The following ANKRD30BL variants were observed in gnomAD, a reference collection of about 807,000 sequenced individuals.
ANKRD30BL encodes the protein putative ankyrin repeat domain-containing protein 30B-like.
A neutral mutation model predicts 18.4 loss-of-function variants in ANKRD30BL; 20 were observed. The observed-to-expected ratio is 1.09, with a 90% CI of 0.77 to 1.58. The LOEUF (loss-of-function observed/expected upper bound fraction) is 1.58, where lower values mean the gene tolerates loss of function less well. ANKRD30BL is among the 40% of genes most tolerant of loss of function. ANKRD30BL has a pLI of 0.00. For synonymous variants in ANKRD30BL, 72 were observed against 100.9 expected (o/e 0.71, Z 1.72); for missense variants, 224 against 268.6 (o/e 0.83, Z 1.16).
At chr2:132,181,572 A>T (rs918626293) in intron 1 of ANKRD30BL, among the ~76,000 whole-genome samples, 3 of 152,212 alleles carry the variant, frequency 2.0e-5, no homozygotes, top group Non-Finnish European at 1.5e-5. Flanking sequence ...CACACTCACT[A>T]TAAGAGACAA....
intron 1 of ANKRD30BL, among the ~76,000 whole-genome samples, chr2:132,221,230 C>G (rs1398224715): frequency 7.6e-6 from 1 of 131,872 alleles, no homozygotes; most frequent in Non-Finnish European, 1.6e-5. Flanking sequence ...CCGCCCCGTC[C>G]GGGAGGTGAG....
chr2:132,181,461 CA>C (rs151177463), intron 1 of ANKRD30BL, among the ~76,000 whole-genome samples: 15 of 145,876 alleles, frequency 1.0e-4, no homozygotes, highest in African/African-American at 1.3e-4. Context: ...GACTCTGTTT[CA>C]AAAAAAAAAG....
intron 1 of ANKRD30BL, among the ~76,000 whole-genome samples, chr2:132,222,832 TAAAAAAAAAAAAAAAAAA>T (rs71001178): frequency 3.8e-5 from 2 of 52,808 alleles, no homozygotes; most frequent in Non-Finnish European, 7.5e-5. Flanking sequence ...GAATGATCAA[TAAAAAAAAAAAAAAAAAA>T]AAAAAAAAAA....
Position 132,151,899 on chromosome 2 carries a change from A to G in ANKRD30BL, c.615-923T>C, listed in dbSNP as rs1428991879. Among the ~76,000 whole-genome samples the G allele has an allele frequency of 2.6e-5, 4 of 152,218 alleles. No homozygotes were observed. The East Asian group carries it at 5.8e-4, about 22-fold the overall frequency. On this transcript the variant is annotated intron_variant, in intron 4 of 5. Transcript: ENST00000409867. Reference sequence around the variant, plus strand: ...CTGGCTTGGACTACTACTAGTCTTTATCTACCTCCTTAAACTCTGAACCAA... The same window carrying G: ...CTGGCTTGGACTACTACTAGTCTTTGTCTACCTCCTTAAACTCTGAACCAA...
intron 1 of ANKRD30BL, among the ~76,000 whole-genome samples, chr2:132,246,802 A>T (rs113194205): frequency 2.0e-5 from 3 of 151,974 alleles, no homozygotes; most frequent in African/African-American, 7.2e-5. Flanking sequence ...TGAAAAAGGA[A>T]ATATCTTCCA....
At chr2:132,181,248 C>T (rs13424362) in intron 1 of ANKRD30BL, among the ~76,000 whole-genome samples, 79,527 of 151,680 alleles carry the variant, frequency 0.52, 21,080 homozygotes, top group South Asian at 0.61. Context: ...CTGACGTGGG[C>T]GGATTGCCTG....
In ANKRD30BL at chr2:132,194,379, A is replaced by G. The variant is rs188487025; in HGVS notation, n.442-37233T>C. 1.3e-3 allele frequency among the ~76,000 whole-genome samples: 193 copies of G among 152,356 alleles called. 2 individuals carry two copies. The highest frequency in any genetic ancestry group is 4.3e-3 in the African/African-American group (178 of 41,586). On this transcript the variant is annotated intron_variant and non_coding_transcript_variant, in intron 1 of 4. Coordinates refer to the ANKRD30BL transcript ENST00000470729. The stretch of plus-strand genomic sequence containing the variant: ...ATGCAGGTATCCTGAATCAGACAGC[A>G]TAAGTCAGCGACAGCCTGGCTTTAG...
chr2:132,210,566 T>A (rs1679319711), intron 1 of ANKRD30BL, among the ~76,000 whole-genome samples: 1 of 152,036 alleles, frequency 6.6e-6, no homozygotes, highest in African/African-American at 2.4e-5. Flanking sequence ...ACAGAAGCAT[T>A]CTGAGAAACT....
At chr2:132,159,127 C>T (rs6430106) in intron 1 of ANKRD30BL, among the ~76,000 whole-genome samples, 29,754 of 151,226 alleles carry the variant, frequency 0.2, 3,958 homozygotes, top group African/African-American at 0.37. Flanking sequence ...TCAGATAACA[C>T]AAGACTGTAG....
chr2:132,232,762 C>T (rs138985144), intron 1 of ANKRD30BL, among the ~76,000 whole-genome samples: 1,634 of 152,230 alleles, frequency 0.011, 29 homozygotes, highest in African/African-American at 0.037. Flanking sequence ...AAACACTCTG[C>T]AGGATATTAC....
intron 1 of ANKRD30BL, among the ~76,000 whole-genome samples, chr2:132,158,267 T>G (rs2104927628): frequency 6.6e-6 from 1 of 152,234 alleles, no homozygotes; most frequent in African/African-American, 2.4e-5. Context: ...TTTTAAAACT[T>G]CAAGCCAAAG....
At chr2:132,191,737 ATTTTTT>A (rs777830399) in intron 1 of ANKRD30BL, among the ~76,000 whole-genome samples, 2 of 111,898 alleles carry the variant, frequency 1.8e-5, no homozygotes, top group African/African-American at 7.3e-5. Context: ...ATGGAGTTTG[ATTTTTT>A]TTTTTTTTTT....
chr2:132,177,663 A>G (rs533107908), intron 1 of ANKRD30BL, among the ~76,000 whole-genome samples: 72 of 152,310 alleles, frequency 4.7e-4, no homozygotes, highest in African/African-American at 1.7e-3. Context: ...AATTCACAGT[A>G]AGGAATTGTT....
chr2:132,183,507 T>G (rs1173256081), intron 1 of ANKRD30BL, among the ~76,000 whole-genome samples: 1 of 151,816 alleles, frequency 6.6e-6, no homozygotes, highest in Admixed American at 6.6e-5. Context: ...CTAAGAGGAG[T>G]GCCAAGTTAC....
intron 1 of ANKRD30BL, among the ~76,000 whole-genome samples, chr2:132,173,136 A>G (rs371437130): frequency 6.0e-5 from 9 of 149,830 alleles, no homozygotes; most frequent in African/African-American, 2.0e-4. Context: ...ATTTTCTCCT[A>G]TTTTTTTTTC....
chr2:132,191,549 ATT>A (rs1030766430), intron 1 of ANKRD30BL, among the ~76,000 whole-genome samples: 1 of 151,998 alleles, frequency 6.6e-6, no homozygotes, highest in Non-Finnish European at 1.5e-5. Flanking sequence ...CAGAATTGAC[ATT>A]TTTTGGATCC....
At chr2:132,182,112 T>A (rs1480600368) in intron 1 of ANKRD30BL, among the ~76,000 whole-genome samples, 1 of 150,298 alleles carries the variant, frequency 6.7e-6, no homozygotes, top group Non-Finnish European at 1.5e-5. Flanking sequence ...AGACTCCATC[T>A]CAAAAAAAAT....
intron 1 of ANKRD30BL, among the ~76,000 whole-genome samples, chr2:132,175,635 C>T (rs112361549): frequency 0.013 from 1,932 of 152,314 alleles, 30 homozygotes; most frequent in Middle Eastern, 0.027. Flanking sequence ...TCTTTCTCAT[C>T]CCATGAGGCC....
intron 1 of ANKRD30BL, among the ~76,000 whole-genome samples, chr2:132,250,329 G>C (rs1237033909): frequency 6.7e-6 from 1 of 149,428 alleles, no homozygotes; most frequent in Non-Finnish European, 1.5e-5. Flanking sequence ...TTATGTGAAG[G>C]TATTTCCTTT....
Sources: gnomAD v4.1 joint callset for allele counts (sites outside exome capture counted in the v4.1 genomes callset) on GRCh38, gnomAD v4.1.1 for gene constraint, MANE v1.5 for transcripts, NCBI Gene and HGNC (gene_info 2026-07-23, HGNC 2026-07-21) for gene names.